Variants in SMPD4 observed in about 807,000 individuals in gnomAD.
SMPD4 encodes the protein neutral sphingomyelinase 3.
Under a neutral mutation model 97.8 loss-of-function variants are expected in SMPD4, and 58 were observed. The observed-to-expected ratio is 0.59, with a 90% CI of 0.48 to 0.74. The LOEUF is 0.74. Ranked by LOEUF, SMPD4 falls within the 30% of genes least tolerant of loss-of-function variation. The pLI is 0.00. For missense variants in SMPD4, 853 were observed against 1,080.5 expected (o/e 0.79, Z 2.95); for synonymous variants, 388 against 450.0 (o/e 0.86, Z 1.74).
At position 130,167,525 on chromosome 2, in the gene SMPD4, G is replaced by C. The variant is rs1464940838; in HGVS notation, c.725C>G (p.Ser242Cys). Residue 242 changes from serine (S) to cysteine (C), a missense_variant, in exon 9 of 20, where the codon TCT becomes TGT. Ser to Cys is a moderately radical substitution (Grantham distance 112). Coordinates refer to ENST00000680298, the MANE Select transcript of SMPD4 (RefSeq NM_017951.5). ...HHTSLLKRHI[S>C]HQTSVNADPA... ...GTCTGCATTCACAGACGTCTGATGA[G>C]AGATGTGTCGCTTTAGGAGGCTAGT... 5 of 1,613,910 alleles carry C rather than the reference G, an allele frequency of 3.1e-6. No homozygotes were observed. In the South Asian group the frequency reaches 5.5e-5, roughly 18 times the overall value.
In SMPD4 at chr2:130,151,444, G is replaced by T. The variant is rs1363212934; in HGVS notation, c.*1111C>A. 2 of 150,288 alleles carry T rather than the reference G, an allele frequency of 1.3e-5. No homozygotes were observed. Among genetic ancestry groups the T allele is most frequent in the African/African-American group, 5.0e-5 (2 of 39,976 alleles). 9.3% of individuals were successfully genotyped at this position (150,288 alleles called of 1,614,324 possible). ...GACATGTTTATTCAGATCCATGGTCGTTACAAGCTTCATTTTTGGTCACAG... is the reference window on the plus strand; with the variant it reads ...GACATGTTTATTCAGATCCATGGTCTTTACAAGCTTCATTTTTGGTCACAG... On this transcript the variant is annotated 3_prime_UTR_variant, in exon 20 of 20. Coordinates refer to ENST00000680298, the MANE Select transcript of SMPD4 (RefSeq NM_017951.5).
At position 130,155,884 on chromosome 2, in the gene SMPD4, G is replaced by A. The variant is rs182330397; in HGVS notation, c.1289+151C>T. 394 of 695,948 alleles carry A rather than the reference G, an allele frequency of 5.7e-4. No homozygotes were observed. In the African/African-American group the frequency reaches 6.5e-3, roughly 11 times the overall value. The allele number at this position is 695,948 out of a possible 1,614,324, so 43.1% of individuals were successfully genotyped here. A position where few individuals can be genotyped will look rare whatever the true frequency, so the allele number is the denominator to read the frequency against. Reference sequence around the variant, plus strand: ...CTAGGAAAAGGCTGGTCTGTGTTCCGCTCGGCAGGGGCTGGGAGAGGACTT... The same window carrying A: ...CTAGGAAAAGGCTGGTCTGTGTTCCACTCGGCAGGGGCTGGGAGAGGACTT... On this transcript the variant is annotated intron_variant, in intron 14 of 19. Coordinates refer to ENST00000680298, the MANE Select transcript of SMPD4 (RefSeq NM_017951.5).
At chr2:130,153,524 C>T (rs372345096) in intron 17 of SMPD4, 74 bp from the exon 18 acceptor site, 2 of 1,592,980 alleles carry the variant, frequency 1.3e-6, no homozygotes, top group Middle Eastern at 1.9e-4. Context: ...CACCAGCCTA[C>T]AACAGTGGCA....
At chr2:130,154,737 C>T (rs1158053874) in intron 15 of SMPD4, 31 of 583,418 alleles carry the variant, frequency 5.3e-5, no homozygotes, top group East Asian at 2.6e-4. Flanking sequence ...CAGAAACCAA[C>T]GCCCAACCCA....
intron 10 of SMPD4, among the ~76,000 whole-genome samples, chr2:130,162,540 G>GA (rs977338229): frequency 2.0e-5 from 3 of 152,188 alleles, no homozygotes; most frequent in African/African-American, 7.2e-5. Context: ...TTGCTTGCAG[G>GA]AACACAGTGG....
intron 12 of SMPD4, 120 bp from the exon 13 acceptor site, chr2:130,156,795 C>A (rs1049474753): frequency 2.6e-6 from 4 of 1,548,848 alleles, no homozygotes; most frequent in Non-Finnish European, 8.7e-7. Context: ...TGGGCACCTC[C>A]GGGAGGTTCA....
rs1012544265 is a variant in SMPD4 at position 130,157,385 on chromosome 2, C to A, written c.963G>T (p.Thr321=). The change falls in exon 12 of 20, where the codon ACG becomes ACT. Residue 321 remains threonine, a synonymous_variant. Transcript: ENST00000680298. ...QALHAYQESF[T]PTEEHVLVVR... ...CCACCAACACATGCTCCTCAGTAGG[C>A]GTGAACGACTCCTGGGTGGAGAAGG... 1.2e-6 allele frequency: 2 copies of A among 1,610,128 alleles called. No individual in the cohort carries two copies. Among genetic ancestry groups the A allele is most frequent in the South Asian group, 1.1e-5 (1 of 90,322 alleles).
intron 2 of SMPD4, among the ~76,000 whole-genome samples, chr2:130,175,587 C>T (rs1688914786): frequency 6.6e-6 from 1 of 152,190 alleles, no homozygotes; most frequent in African/African-American, 2.4e-5. Context: ...CAAGTAGACA[C>T]TAATCATGAA....
intron 17 of SMPD4, 92 bp downstream of exon 17, chr2:130,153,610 G>A (rs1573658341): frequency 2.6e-6 from 4 of 1,548,760 alleles, no homozygotes; most frequent in Admixed American, 1.8e-5. Flanking sequence ...GTGGGGCCTG[G>A]GACTGGTAGG....
chr2:130,164,544 C>CA, intron 9 of SMPD4, 99 bp from the exon 10 acceptor site: 1 of 939,496 alleles, frequency 1.1e-6, no homozygotes, highest in Non-Finnish European at 1.7e-6. Context: ...GCTGGGAACA[C>CA]AGAATACCCA....
At chr2:130,166,011 A>T (rs1274351950) in intron 9 of SMPD4, among the ~76,000 whole-genome samples, 6 of 151,908 alleles carry the variant, frequency 3.9e-5, no homozygotes, top group East Asian at 1.9e-4. Flanking sequence ...TTATAATTAA[A>T]TTTTTTTCTT....
chr2:130,164,252 G>A, intron 10 of SMPD4, 122 bp downstream of exon 10: 1 of 817,986 alleles, frequency 1.2e-6, no homozygotes, highest in East Asian at 2.5e-5. Flanking sequence ...TGAGTGACAG[G>A]TGGGTGGTGG....
chr2:130,173,495 C>G lies in SMPD4; in HGVS notation c.269+19G>C, dbSNP rs370737167. 18 of 1,589,898 alleles carry G rather than the reference C, an allele frequency of 1.1e-5. No individual in the cohort carries two copies. The highest frequency in any genetic ancestry group is 1.5e-5 in the Non-Finnish European group (17 of 1,165,454). On this transcript the variant is annotated intron_variant, in intron 4 of 19. Coordinates refer to ENST00000680298, the MANE Select transcript of SMPD4 (RefSeq NM_017951.5). Reference sequence around the variant, plus strand: ...CATGAGGAATCACCCAGCCTCTCTCCGGTGACCAACCTACCTACCCAGGGT... The same window carrying G: ...CATGAGGAATCACCCAGCCTCTCTCGGGTGACCAACCTACCTACCCAGGGT...
chr2:130,178,666 G>T (rs1309075718), intron 1 of SMPD4, among the ~76,000 whole-genome samples: 1 of 151,922 alleles, frequency 6.6e-6, no homozygotes, highest in Non-Finnish European at 1.5e-5. Context: ...GTGGTGGCGG[G>T]CACCTGTAGT....
At chr2:130,177,812 C>T (rs1364121120) in intron 1 of SMPD4, among the ~76,000 whole-genome samples, 1 of 152,122 alleles carries the variant, frequency 6.6e-6, no homozygotes, top group African/African-American at 2.4e-5. Context: ...TTGTTATATA[C>T]CAGGACTCGC....
In SMPD4 at chr2:130,160,089, C is replaced by G. The variant is rs1200821484; in HGVS notation, c.951+1097G>C. Among the ~76,000 whole-genome samples the G allele has an allele frequency of 2.0e-5, 3 of 152,178 alleles. No individual in the cohort carries two copies. In the East Asian group the frequency reaches 5.8e-4, roughly 29 times the overall value. ...ACCTGCTTGCTTCTTAAGGATGTGT[C>G]CCCAAAGCCGCACATTTCCCACTGG... On this transcript the variant is annotated intron_variant, in intron 11 of 19. Transcript: ENST00000680298.
chr2:130,180,603 T>A (rs1689477702), intron 1 of SMPD4, among the ~76,000 whole-genome samples: 1 of 152,084 alleles, frequency 6.6e-6, no homozygotes, highest in Admixed American at 6.6e-5. Flanking sequence ...ACTGCAGTGT[T>A]AAAGAAAAAC....
In SMPD4 at chr2:130,166,545, G is replaced by A. The variant is rs114278258; in HGVS notation, c.792+913C>T. Among the ~76,000 whole-genome samples, 1,418 of 152,256 alleles carry A rather than the reference G, an allele frequency of 9.3e-3. 25 individuals are homozygous for A. The highest frequency in any genetic ancestry group is 0.033 in the African/African-American group (1,362 of 41,552). ...AAATGGTATGGAGGCTTCAAAAAGT[G>A]CAGCACCCCAAATACTAGGAGTTAC... On this transcript the variant is annotated intron_variant, in intron 9 of 19. Transcript: ENST00000680298.
rs759369285 is a variant in SMPD4 at position 130,154,395 on chromosome 2, A to G, written c.1541T>C (p.Leu514Pro). 5 of 1,605,604 alleles carry G rather than the reference A, an allele frequency of 3.1e-6. No homozygotes were observed. The highest frequency in any genetic ancestry group is 4.3e-6 in the Non-Finnish European group (5 of 1,176,110). ...AGTGACCGCTGGTGGCCAGGGTGAC[A>G]GGAAGCTCCCAGTGAATGTGGGGGC... ...FTAPTFTGSF[L>P]SPWPPAVTDA... The change falls in exon 16 of 20, where the codon CTG (leucine) becomes CCG (proline). Residue 514 changes from leucine (L) to proline (P), a missense_variant. This residue lies in a region of SMPD4 where 511 missense variants were observed against 608.1 expected (regional missense o/e 0.84). Coordinates refer to ENST00000680298, the MANE Select transcript of SMPD4 (RefSeq NM_017951.5).
Sources: gnomAD v4.1 joint callset for allele counts (sites outside exome capture counted in the v4.1 genomes callset) on GRCh38, gnomAD v4.1.1 for gene constraint, gnomAD v4.1.1 regional missense constraint, MANE v1.5 for transcripts, NCBI Gene and HGNC (gene_info 2026-07-23, HGNC 2026-07-21) for gene names.